The following PRDM10 variants were observed in gnomAD, a reference collection of about 807,000 sequenced individuals.
PRDM10 encodes the protein PR/SET domain 10.
PRDM10 carries 65 observed loss-of-function variants against 133.1 expected under a neutral mutation model. The ratio of observed to expected loss-of-function variants is 0.49; its 90% confidence interval spans 0.40 to 0.60. The LOEUF (loss-of-function observed/expected upper bound fraction) is 0.60. PRDM10 is among the 20% of genes least tolerant of loss of function. PRDM10 has a pLI of 0.00. For synonymous variants in PRDM10, 582 were observed against 580.4 expected (o/e 1.00, Z -0.04); for missense variants, 1,137 against 1,507.1 (o/e 0.75, Z 4.07).
intron 1 of PRDM10, among the ~76,000 whole-genome samples, chr11:129,969,664 G>A (rs909590858): frequency 4.0e-5 from 6 of 151,180 alleles, no homozygotes; most frequent in African/African-American, 7.3e-5. Context: ...AAAATTAGCC[G>A]GGCGTGGTGG....
At position 129,914,562 on chromosome 11, in the gene PRDM10, G is replaced by A. The variant is rs781757690; in HGVS notation, c.2841+142C>T. On this transcript the variant is annotated intron_variant, in intron 17 of 20. Coordinates refer to ENST00000360871, the MANE Select transcript of PRDM10 (RefSeq NM_199437.2). Reference sequence around the variant, plus strand: ...CCAGAGGCCTCATCAGCCTGAAAGGGGAAGGGGCAGTTGTAAAATGCCCAA... The same window carrying A: ...CCAGAGGCCTCATCAGCCTGAAAGGAGAAGGGGCAGTTGTAAAATGCCCAA... 3 of 1,130,872 alleles carry A rather than the reference G, an allele frequency of 2.7e-6. No individual in the cohort carries two copies. The South Asian group carries it at 3.9e-5, about 15-fold the overall frequency. 70.1% of individuals were successfully genotyped at this position (1,130,872 alleles called of 1,614,324 possible).
chr11:129,990,513 CTT>C (rs200174774), intron 1 of PRDM10, among the ~76,000 whole-genome samples: 11,144 of 104,292 alleles, frequency 0.11, 549 homozygotes, highest in Admixed American at 0.21. Flanking sequence ...CAAAGTGAGA[CTT>C]TGTCTCCAAA....
chr11:129,942,591 T>G lies in PRDM10; in HGVS notation c.801A>C (p.Leu267Phe). The change falls in exon 7 of 21, where the codon TTA becomes TTC. Residue 267 changes from leucine (L) to phenylalanine (F), a missense_variant. Physicochemically the swap from Leu to Phe is conservative, Grantham distance 22. Around this residue, in one of 6 missense-constraint regions of PRDM10, gnomAD observed 635 missense variants for 835.2 expected, o/e 0.76. Transcript: ENST00000360871. ...ACAACTCAAACCATAGGTCTTCATGTAAATCCCTTTCTTTCCTGTCCCCTT... is the reference window on the plus strand; with the variant it reads ...ACAACTCAAACCATAGGTCTTCATGGAAATCCCTTTCTTTCCTGTCCCCTT... ...LDKGDRKERDLHEDLWFELSD... is the reference protein window; with the variant it reads ...LDKGDRKERDFHEDLWFELSD... 6.2e-7 allele frequency: 1 copy of G among 1,614,152 alleles called. No homozygotes were observed. Among genetic ancestry groups the G allele is most frequent in the Non-Finnish European group, 8.5e-7 (1 of 1,180,026 alleles).
intron 1 of PRDM10, among the ~76,000 whole-genome samples, chr11:129,985,380 T>C (rs1048351512): frequency 2.3e-4 from 35 of 152,044 alleles, no homozygotes; most frequent in African/African-American, 7.7e-4. Flanking sequence ...GAAAATGCAA[T>C]TGATAGATGA....
chr11:129,932,335 A>C (rs2135819085), intron 9 of PRDM10, 104 bp from the exon 10 acceptor site: 1 of 1,371,286 alleles, frequency 7.3e-7, no homozygotes. Context: ...GATTCCTCTC[A>C]CCTTATTACT....
chr11:129,923,428 T>A lies in PRDM10; in HGVS notation c.1879-25A>T. The A allele has an allele frequency of 6.3e-7, 1 of 1,591,924 alleles. No homozygotes were observed. ...CCTGGTGATAAGAACCACAGGAAAA[T>A]TCAGGGGACGCAGGCACCAAATGAA... On this transcript the variant is annotated intron_variant, in intron 12 of 20. Coordinates refer to ENST00000360871, the MANE Select transcript of PRDM10 (RefSeq NM_199437.2). This position sits in a 1 kb window ranked among gnomAD's most constrained non-coding sequence, Gnocchi z 4.4.
chr11:129,947,550 T>A lies in PRDM10; in HGVS notation c.295-180A>T. On this transcript the variant is annotated intron_variant, in intron 4 of 20. Coordinates refer to ENST00000360871, the MANE Select transcript of PRDM10 (RefSeq NM_199437.2). This position sits in a 1 kb window ranked among gnomAD's most constrained non-coding sequence, Gnocchi z 4.6. ...GCTGTGAGGAAGAGCTGGCTTCATTTTTGATCTGACTGCTCACAGCCTTTA... is the reference window on the plus strand; with the variant it reads ...GCTGTGAGGAAGAGCTGGCTTCATTATTGATCTGACTGCTCACAGCCTTTA... 6.8e-7 allele frequency: 1 copy of A among 1,462,454 alleles called. No individual in the cohort carries two copies. Among genetic ancestry groups the A allele is most frequent in the East Asian group, 2.4e-5 (1 of 41,826 alleles). 90.6% of individuals were successfully genotyped at this position (1,462,454 alleles called of 1,614,324 possible).
At chr11:129,982,086 C>T (rs1303185501) in intron 1 of PRDM10, among the ~76,000 whole-genome samples, 2 of 151,712 alleles carry the variant, frequency 1.3e-5, no homozygotes, top group Non-Finnish European at 2.9e-5. Context: ...AACAAAACCC[C>T]GTCTCTACAA....
At chr11:129,973,700 T>C (rs1937623134) in intron 1 of PRDM10, among the ~76,000 whole-genome samples, 1 of 152,160 alleles carries the variant, frequency 6.6e-6, no homozygotes, top group South Asian at 2.1e-4. Context: ...CTCTGTGAAA[T>C]AAGCTCATCA....
intron 1 of PRDM10, among the ~76,000 whole-genome samples, chr11:129,961,292 T>C (rs1282285444): frequency 6.6e-6 from 1 of 151,714 alleles, no homozygotes; most frequent in Non-Finnish European, 1.5e-5. Flanking sequence ...GGGGTTTTTT[T>C]GGGGGGGTGA....
At chr11:129,964,926 AG>A (rs1489530627) in intron 1 of PRDM10, among the ~76,000 whole-genome samples, 1 of 152,250 alleles carries the variant, frequency 6.6e-6, no homozygotes, top group Non-Finnish European at 1.5e-5. Context: ...AGTACATAGT[AG>A]GTGATTAAAT....
chr11:129,913,622 T>C (rs1667892045), intron 17 of PRDM10, among the ~76,000 whole-genome samples: 1 of 152,196 alleles, frequency 6.6e-6, no homozygotes, highest in African/African-American at 2.4e-5. Context: ...GTAGCTAAAG[T>C]ACAGGCCCTT....
rs1951471228 is a variant in PRDM10, at chr11:129,947,877, T to C, written c.295-507A>G. 5.5e-6 allele frequency: 2 copies of C among 366,788 alleles called. No individual in the cohort carries two copies. The highest frequency in any genetic ancestry group is 1.1e-5 in the Non-Finnish European group (2 of 186,466). 22.7% of individuals were successfully genotyped at this position (366,788 alleles called of 1,614,324 possible). On this transcript the variant is annotated intron_variant, in intron 4 of 20. Coordinates refer to ENST00000360871, the MANE Select transcript of PRDM10 (RefSeq NM_199437.2). This position sits in a 1 kb window ranked among gnomAD's most constrained non-coding sequence, Gnocchi z 4.6. ...TTCCACATCTGAACTAAACCTGGGG[T>C]GGGGGTCCCTCTTGCCTTTCCAGAG...
intron 1 of PRDM10, among the ~76,000 whole-genome samples, chr11:129,971,145 C>T (rs953629657): frequency 6.6e-5 from 10 of 152,238 alleles, no homozygotes; most frequent in African/African-American, 2.2e-4. Context: ...CAAACCTTCG[C>T]GGTGAGTGTT....
At chr11:129,921,532 G>T (rs1464610115) in intron 13 of PRDM10, among the ~76,000 whole-genome samples, 1 of 152,192 alleles carries the variant, frequency 6.6e-6, no homozygotes, top group Non-Finnish European at 1.5e-5. Flanking sequence ...ATTTATCTGC[G>T]TGAAGAGCTA....
chr11:129,995,690 A>G (rs1305231797), intron 1 of PRDM10, among the ~76,000 whole-genome samples: 1 of 152,190 alleles, frequency 6.6e-6, no homozygotes, highest in African/African-American at 2.4e-5. Flanking sequence ...GCACGCCTGT[A>G]ACTCCAGCAC....
In PRDM10 at chr11:129,971,715, G is replaced by T. The variant is rs955197924; in HGVS notation, c.-118-10633C>A. 2.6e-5 allele frequency among the ~76,000 whole-genome samples: 4 copies of T among 152,318 alleles called. No individual in the cohort carries two copies. The East Asian group carries it at 7.7e-4, about 29-fold the overall frequency. ...GATTGGTGTGTTTACAATCCCTGAGGTAGACATAAAGACTCTCCACGTCCC... is the reference window on the plus strand; with the variant it reads ...GATTGGTGTGTTTACAATCCCTGAGTTAGACATAAAGACTCTCCACGTCCC... On this transcript the variant is annotated intron_variant, in intron 1 of 20. Transcript: ENST00000360871.
At chr11:129,921,449 C>A (rs562178387) in intron 13 of PRDM10, among the ~76,000 whole-genome samples, 1 of 152,108 alleles carries the variant, frequency 6.6e-6, no homozygotes, top group Non-Finnish European at 1.5e-5. Flanking sequence ...CCTGAGCACA[C>A]GGGGAGGCAG....
In PRDM10 at chr11:129,944,825, C is replaced by T. The variant is rs751262529; in HGVS notation, c.708G>A (p.Val236=). 6.2e-7 allele frequency: 1 copy of T among 1,614,104 alleles called. No individual in the cohort carries two copies. Among genetic ancestry groups the T allele is most frequent in the South Asian group, 1.1e-5 (1 of 91,080 alleles). The change falls in exon 6 of 21, where the codon GTG becomes GTA. Residue 236 remains valine (V), a synonymous_variant. Transcript: ENST00000360871. Reference sequence around the variant, plus strand: ...CCGAGCCCCTGACGAGAGGCCCCTCCACGGGGCCAAACTGGGTGCGCTTGG... The same window carrying T: ...CCGAGCCCCTGACGAGAGGCCCCTCTACGGGGCCAAACTGGGTGCGCTTGG... ...RIPKRTQFGP[V]EGPLVRGSEL... is the part of the protein sequence containing the mutation.
Sources: gnomAD v4.1 joint callset for allele counts (sites outside exome capture counted in the v4.1 genomes callset) on GRCh38, gnomAD v4.1.1 for gene constraint, gnomAD v4.1.1 regional missense constraint, Gnocchi (gnomAD v3.1) non-coding constraint, MANE v1.5 for transcripts, NCBI Gene and HGNC (gene_info 2026-07-23, HGNC 2026-07-21) for gene names.